ARHGAP28: variants seen among roughly 807,000 people sequenced by gnomAD.
The protein encoded by ARHGAP28 is rho GTPase-activating protein 28.
ARHGAP28 carries 56 observed loss-of-function variants against 90.7 expected under a neutral mutation model. That is an observed-to-expected ratio of 0.62 (90% confidence interval 0.50 to 0.77). The LOEUF is 0.77. Ranked by LOEUF, ARHGAP28 falls within the 30% of genes least tolerant of loss-of-function variation. The probability of loss-of-function intolerance (pLI) is 0.00; values close to 1 mark genes in which losing one functional copy is unlikely to be tolerated. For synonymous variants in ARHGAP28, 308 were observed against 323.3 expected, an observed-to-expected ratio of 0.95 and a Z score of 0.51; for missense variants, 869 against 900.9, an observed-to-expected ratio of 0.96 and a Z score of 0.45.
At chr18:6,863,757 A>G (rs8088194) in intron 5 of ARHGAP28, among the ~76,000 whole-genome samples, 75,278 of 150,150 alleles carry the variant, frequency 0.5, 20,171 homozygotes, top group Non-Finnish European at 0.61. Flanking sequence ...CCAAAGCCTG[A>G]TATCATTGTA....
intron 1 of ARHGAP28, among the ~76,000 whole-genome samples, chr18:6,737,633 C>G (rs562370610): frequency 6.6e-6 from 1 of 152,152 alleles, no homozygotes; most frequent in African/African-American, 2.4e-5. Flanking sequence ...TGCTTTTTGT[C>G]TCTTGCTGTG....
At position 6,868,214 on chromosome 18, in the gene ARHGAP28, C is replaced by T; in HGVS notation, c.791C>T (p.Pro264Leu). 1 of 1,614,130 alleles carries T rather than the reference C, an allele frequency of 6.2e-7. No homozygotes were observed. Among genetic ancestry groups the T allele is most frequent in the Non-Finnish European group, 8.5e-7 (1 of 1,179,986 alleles). ...AATGGATCACCGGAGCCTGGACAGCCAGTTCAGAATGCGATAAGTGGTGAG... is the reference window on the plus strand; with the variant it reads ...AATGGATCACCGGAGCCTGGACAGCTAGTTCAGAATGCGATAAGTGGTGAG... ...HSNGSPEPGQ[P>L]VQNAISDDDF... is the part of the protein sequence containing the mutation. Residue 264 changes from proline (P) to leucine (L), a missense_variant, in exon 6 of 18, where the codon CCA (proline) becomes CTA (leucine). Pro to Leu is a moderately conservative substitution (Grantham distance 98, BLOSUM62 -3). Coordinates refer to ENST00000383472, the MANE Select transcript of ARHGAP28 (RefSeq NM_001366230.1).
intron 1 of ARHGAP28, among the ~76,000 whole-genome samples, chr18:6,801,370 A>G (rs1218646016): frequency 6.6e-6 from 1 of 152,212 alleles, no homozygotes; most frequent in Non-Finnish European, 1.5e-5. Flanking sequence ...ATCTGAGTCT[A>G]TTTGATGGCA....
chr18:6,893,711 G>A (rs557235832), intron 14 of ARHGAP28, among the ~76,000 whole-genome samples: 1 of 152,142 alleles, frequency 6.6e-6, no homozygotes, highest in South Asian at 2.1e-4. Flanking sequence ...GTGTGTGTGT[G>A]TAAACTGTAC....
intron 1 of ARHGAP28, among the ~76,000 whole-genome samples, chr18:6,734,927 A>C (rs2055913096): frequency 6.6e-6 from 1 of 152,192 alleles, no homozygotes; most frequent in Non-Finnish European, 1.5e-5. Context: ...ATCCCTGCTG[A>C]GCGTAGATTC....
chr18:6,766,116 T>C (rs573815736), intron 1 of ARHGAP28, among the ~76,000 whole-genome samples: 1 of 152,272 alleles, frequency 6.6e-6, no homozygotes, highest in Admixed American at 6.5e-5. Flanking sequence ...ATTAAGTGAA[T>C]TTGGCTGAGG....
intron 1 of ARHGAP28, among the ~76,000 whole-genome samples, chr18:6,799,773 T>A (rs1287130354): frequency 1.3e-5 from 2 of 152,158 alleles, no homozygotes; most frequent in Non-Finnish European, 2.9e-5. Context: ...GAAGAAAACC[T>A]AGGCAATGTC....
intron 5 of ARHGAP28, among the ~76,000 whole-genome samples, chr18:6,864,887 A>G (rs2057026902): frequency 6.6e-6 from 1 of 151,962 alleles, no homozygotes; most frequent in South Asian, 2.1e-4. Context: ...GTCTTGCTAT[A>G]TTGCCCAGGC....
chr18:6,865,462 C>T (rs1013456354), intron 5 of ARHGAP28, among the ~76,000 whole-genome samples: 1 of 152,130 alleles, frequency 6.6e-6, no homozygotes, highest in Non-Finnish European at 1.5e-5. Flanking sequence ...TTTGTCCATT[C>T]TGATCTTGGT....
intron 6 of ARHGAP28, among the ~76,000 whole-genome samples, chr18:6,869,748 G>A (rs1436198117): frequency 1.3e-5 from 2 of 152,122 alleles, no homozygotes; most frequent in African/African-American, 4.8e-5. Flanking sequence ...CCCCTAGTCA[G>A]TGCCTACAGC....
At chr18:6,876,736 A>G (rs1157962948) in intron 10 of ARHGAP28, among the ~76,000 whole-genome samples, 2 of 152,306 alleles carry the variant, frequency 1.3e-5, no homozygotes, top group African/African-American at 2.4e-5. Context: ...CCACTAGAAT[A>G]CTCACTCAGC....
intron 2 of ARHGAP28, among the ~76,000 whole-genome samples, chr18:6,830,519 G>A (rs2056707186): frequency 6.6e-6 from 1 of 151,990 alleles, no homozygotes; most frequent in African/African-American, 2.4e-5. Flanking sequence ...CCCTCCCTGT[G>A]TCCATGTATT....
At chr18:6,898,773 G>T in intron 16 of ARHGAP28, 1 of 1,248,354 alleles carries the variant, frequency 8.0e-7, no homozygotes, top group Non-Finnish European at 1.0e-6. Flanking sequence ...AAAAATCTTA[G>T]TAACTCAGGA....
In ARHGAP28 at chr18:6,873,391, C is replaced by T. The variant is rs1415765888; in HGVS notation, c.955-18C>T. 8.1e-6 allele frequency: 13 copies of T among 1,595,850 alleles called. No individual in the cohort carries two copies. Among genetic ancestry groups the T allele is most frequent in the Non-Finnish European group, 1.0e-5 (12 of 1,174,544 alleles). On this transcript the variant is annotated intron_variant, in intron 7 of 17. Coordinates refer to ENST00000383472, the MANE Select transcript of ARHGAP28 (RefSeq NM_001366230.1). ...TTCCTTTGCCATAAAAAATAAATACCTTCACTGTGTGTTTTAGAAATTTAA... is the reference window on the plus strand; with the variant it reads ...TTCCTTTGCCATAAAAAATAAATACTTTCACTGTGTGTTTTAGAAATTTAA...
At chr18:6,809,472 G>A (rs1365862533) in intron 1 of ARHGAP28, among the ~76,000 whole-genome samples, 2 of 152,110 alleles carry the variant, frequency 1.3e-5, no homozygotes, top group Admixed American at 6.6e-5. Flanking sequence ...AGTTTAACCA[G>A]CCCATGGTTC....
chr18:6,775,167 G>A (rs1259756047), intron 1 of ARHGAP28, among the ~76,000 whole-genome samples: 1 of 152,106 alleles, frequency 6.6e-6, no homozygotes, highest in African/African-American at 2.4e-5. Context: ...TTTCATTTTT[G>A]TTCTTGTTCT....
chr18:6,887,168 G>A lies in ARHGAP28; in HGVS notation c.1465G>A (p.Val489Ile), dbSNP rs749070329. ...FISLMERGPH[V>I]KVQFQALHLM... ...TGTTTTCTTGTTAGGAGGGCCTCAC[G>A]TCAAAGTACAGTTTCAAGCCTTACA... is the stretch of plus-strand genomic sequence containing the variant. Residue 489 changes from valine (V) to isoleucine (I), a missense_variant, in exon 12 of 18, where the codon GTC becomes ATC. Physicochemically the swap from Val to Ile is conservative, Grantham distance 29 (BLOSUM62 3). Transcript: ENST00000383472. 8.7e-6 allele frequency: 14 copies of A among 1,613,950 alleles called. No individual in the cohort carries two copies. The highest frequency in any genetic ancestry group is 2.7e-5 in the African/African-American group (2 of 74,920).
chr18:6,758,315 T>C (rs2056129364), intron 1 of ARHGAP28, among the ~76,000 whole-genome samples: 1 of 151,872 alleles, frequency 6.6e-6, no homozygotes, highest in South Asian at 2.1e-4. Flanking sequence ...GCAGAGATTC[T>C]GCTCTGGAGT....
intron 1 of ARHGAP28, among the ~76,000 whole-genome samples, chr18:6,783,404 C>A (rs917314063): frequency 1.3e-5 from 2 of 151,556 alleles, no homozygotes; most frequent in East Asian, 1.9e-4. Context: ...CAGGTTCAAG[C>A]GATTTTCCTG....
Sources: allele counts gnomAD v4.1 joint callset (sites outside exome capture counted in the v4.1 genomes callset), GRCh38; gene constraint gnomAD v4.1.1; transcripts MANE v1.5; gene names NCBI Gene and HGNC (gene_info 2026-07-23, HGNC 2026-07-21).